The following FOXK1 variants were observed in gnomAD, a reference collection of about 807,000 sequenced individuals.
FOXK1 encodes the protein forkhead box K1, also known as forkhead box protein K1.
Under a neutral mutation model 51.9 loss-of-function variants are expected in FOXK1, and 19 were observed. That is an observed-to-expected ratio of 0.37 (90% confidence interval 0.26 to 0.54). The LOEUF (loss-of-function observed/expected upper bound fraction) is 0.54. FOXK1 is among the 20% of genes least tolerant of loss of function. The pLI, the probability that FOXK1 is intolerant of heterozygous loss-of-function variation, is 0.87. For synonymous variants in FOXK1, 537 were observed against 482.6 expected, an observed-to-expected ratio of 1.11 and a Z score of -1.48; for missense variants, 870 against 1,032.7, an observed-to-expected ratio of 0.84 and a Z score of 2.16.
Position 4,709,928 on chromosome 7 carries a change from G to T in FOXK1, c.560+27060G>T, listed in dbSNP as rs1411149805. On this transcript the variant is annotated intron_variant, in intron 1 of 8. Transcript: ENST00000328914. This position sits in a 1 kb window ranked among gnomAD's most constrained non-coding sequence, Gnocchi z 5.6. ...CGTTTGAACACGGAAGAACACGGAA[G>T]CCTGTGTGTTAGGCGTTAACATTGT... Among the ~76,000 whole-genome samples, 1 of 152,224 alleles carries T rather than the reference G, an allele frequency of 6.6e-6. No homozygotes were observed. Among genetic ancestry groups the T allele is most frequent in the African/African-American group, 2.4e-5 (1 of 41,460 alleles).
chr7:4,692,979 T>C (rs1448575605), intron 1 of FOXK1, among the ~76,000 whole-genome samples: 1 of 151,872 alleles, frequency 6.6e-6, no homozygotes. Flanking sequence ...CCTTAAGTCA[T>C]CCTCTGCTAT....
Position 4,721,366 on chromosome 7 carries a change from G to A in FOXK1, c.561-19472G>A, listed in dbSNP as rs547262297. ...AATGGTGCAACCTTCTGATGACCTT[G>A]GTGAGAAGCGACCATTCCCTGCGAC... On this transcript the variant is annotated intron_variant, in intron 1 of 8. Transcript: ENST00000328914. 1.2e-3 allele frequency among the ~76,000 whole-genome samples: 179 copies of A among 152,232 alleles called. 1 individual carries two copies. Among genetic ancestry groups the A allele is most frequent in the Middle Eastern group, 0.01 (3 of 294 alleles).
intron 1 of FOXK1, among the ~76,000 whole-genome samples, chr7:4,727,167 G>A (rs1223442085): frequency 6.6e-6 from 1 of 151,998 alleles, no homozygotes; most frequent in Non-Finnish European, 1.5e-5. Context: ...GCCCAGGCTG[G>A]TTTTGCACTC....
At chr7:4,760,207 GTTCTT>G (rs1780913404) in intron 7 of FOXK1, among the ~76,000 whole-genome samples, 1 of 152,230 alleles carries the variant, frequency 6.6e-6, no homozygotes, top group Admixed American at 6.5e-5. Flanking sequence ...TGGGAAGACT[GTTCTT>G]TTCGACTCCC....
At chr7:4,726,702 G>A (rs532385559) in intron 1 of FOXK1, among the ~76,000 whole-genome samples, 67 of 151,906 alleles carry the variant, frequency 4.4e-4, no homozygotes, top group African/African-American at 1.5e-3. Context: ...CTGCCATGTC[G>A]CTCTTGTTTC....
Position 4,754,490 on chromosome 7 carries a change from G to A in FOXK1, c.778G>A (p.Gly260Ser), listed in dbSNP as rs750391269. The change falls in exon 3 of 9, where the codon GGT (glycine) becomes AGT (serine). Residue 260 changes from glycine (G) to serine (S), a missense_variant. Gly to Ser is a moderately conservative substitution (Grantham distance 56). This residue lies in a region of FOXK1 where 399 missense variants were observed against 475.6 expected (regional missense o/e 0.84). Transcript: ENST00000328914. Reference sequence around the variant, plus strand: ...CAACTCCTGCCCAGCCAGTCCACGCGGTGCCGGCTCCTCCAGTTACCGCTT... The same window carrying A: ...CAACTCCTGCCCAGCCAGTCCACGCAGTGCCGGCTCCTCCAGTTACCGCTT... ...VPNSCPASPRGAGSSSYRFVQ... is the reference protein window; with the variant it reads ...VPNSCPASPRSAGSSSYRFVQ... 25 of 1,613,098 alleles carry A rather than the reference G, an allele frequency of 1.5e-5. No individual in the cohort carries two copies. Among genetic ancestry groups the A allele is most frequent in the East Asian group, 2.2e-5 (1 of 44,900 alleles).
rs1297792698 is a variant in FOXK1 at position 4,747,711 on chromosome 7, T to A, written c.746+6688T>A. The stretch of plus-strand genomic sequence containing the variant: ...CCACCACACACACCCAGCTCATTTT[T>A]TATTTTCGTTGAGATGGTGTCTTGC... On this transcript the variant is annotated intron_variant, in intron 2 of 8. Coordinates refer to ENST00000328914, the MANE Select transcript of FOXK1 (RefSeq NM_001037165.2). This position sits in a 1 kb window ranked among gnomAD's most constrained non-coding sequence, Gnocchi z 9.2. 6.6e-6 allele frequency among the ~76,000 whole-genome samples: 1 copy of A among 151,820 alleles called. No homozygotes were observed. Among genetic ancestry groups the A allele is most frequent in the East Asian group, 1.9e-4 (1 of 5,172 alleles).
At chr7:4,752,837 G>A (rs2115069589) in intron 2 of FOXK1, among the ~76,000 whole-genome samples, 1 of 152,252 alleles carries the variant, frequency 6.6e-6, no homozygotes, top group East Asian at 1.9e-4. Flanking sequence ...TGCCTCAGCA[G>A]GGAGGTGTTT....
rs966002576 is a variant in FOXK1 at position 4,748,705 on chromosome 7, C to T, written c.747-5754C>T. On this transcript the variant is annotated intron_variant, in intron 2 of 8. Coordinates refer to ENST00000328914, the MANE Select transcript of FOXK1 (RefSeq NM_001037165.2). This position sits in a 1 kb window ranked among gnomAD's most constrained non-coding sequence, Gnocchi z 4.9. Reference sequence around the variant, plus strand: ...GCTTCCTGGGAAAGGGCACAGGAGACAGACTTTTCATTTATTCACTGATTT... The same window carrying T: ...GCTTCCTGGGAAAGGGCACAGGAGATAGACTTTTCATTTATTCACTGATTT... Among the ~76,000 whole-genome samples, 1 of 152,192 alleles carries T rather than the reference C, an allele frequency of 6.6e-6. No individual in the cohort carries two copies. The highest frequency in any genetic ancestry group is 1.5e-5 in the Non-Finnish European group (1 of 68,028).
At chr7:4,691,906 G>A (rs1779897319) in intron 1 of FOXK1, among the ~76,000 whole-genome samples, 1 of 152,128 alleles carries the variant, frequency 6.6e-6, no homozygotes. Context: ...TGGGCAGAAT[G>A]GCTGCTGGAC....
chr7:4,693,466 A>G (rs993236083), intron 1 of FOXK1, among the ~76,000 whole-genome samples: 2 of 152,250 alleles, frequency 1.3e-5, no homozygotes, highest in Non-Finnish European at 2.9e-5. Flanking sequence ...GCATGTTGTG[A>G]TATGACTTGG....
chr7:4,704,834 C>CT (rs775099211), intron 1 of FOXK1, among the ~76,000 whole-genome samples: 1,955 of 131,366 alleles, frequency 0.015, 42 homozygotes, highest in Non-Finnish European at 0.011. Context: ...ATGTTTCATT[C>CT]TTTTTTTTTT....
rs1312119606 is a variant in FOXK1 at position 4,730,435 on chromosome 7, G to A, written c.561-10403G>A. On this transcript the variant is annotated intron_variant, in intron 1 of 8. Transcript: ENST00000328914. This position sits in a 1 kb window ranked among gnomAD's most constrained non-coding sequence, Gnocchi z 4.7. ...GGCATGGACCCAAAAGTGGAGTCAC[G>A]GTTGCAGCTCTGGTTCCTGGAGGAG... Among the ~76,000 whole-genome samples the A allele has an allele frequency of 2.6e-5, 4 of 152,230 alleles. No homozygotes were observed. The East Asian group carries it at 5.8e-4, about 22-fold the overall frequency.
In FOXK1 at chr7:4,723,552, G is replaced by C. The variant is rs568241738; in HGVS notation, c.561-17286G>C. On this transcript the variant is annotated intron_variant, in intron 1 of 8. Transcript: ENST00000328914. This position sits in a 1 kb window ranked among gnomAD's most constrained non-coding sequence, Gnocchi z 4.7. Reference sequence around the variant, plus strand: ...GGGCCTGTCCATCCCGTCAGCCCACGGTGCCTCTACAAACACAGGTCCCTC... The same window carrying C: ...GGGCCTGTCCATCCCGTCAGCCCACCGTGCCTCTACAAACACAGGTCCCTC... Among the ~76,000 whole-genome samples the C allele has an allele frequency of 1.1e-4, 17 of 152,226 alleles. No individual in the cohort carries two copies. Among genetic ancestry groups the C allele is most frequent in the African/African-American group, 4.1e-4 (17 of 41,530 alleles).
rs554394743 is a variant in FOXK1, at chr7:4,693,490, A to G, written c.560+10622A>G. 4.6e-5 allele frequency among the ~76,000 whole-genome samples: 7 copies of G among 152,298 alleles called. No individual in the cohort carries two copies. In the South Asian group the frequency reaches 6.2e-4, roughly 14 times the overall value. ...GATATGACTTGGCTACAGTTAGTATATTTTTTTAAATGTACAGTAATTTTT... is the reference window on the plus strand; with the variant it reads ...GATATGACTTGGCTACAGTTAGTATGTTTTTTTAAATGTACAGTAATTTTT... On this transcript the variant is annotated intron_variant, in intron 1 of 8. Coordinates refer to ENST00000328914, the MANE Select transcript of FOXK1 (RefSeq NM_001037165.2).
In FOXK1 at chr7:4,743,879, CT is replaced by C. The variant is rs34815763; in HGVS notation, c.746+2871del. Among the ~76,000 whole-genome samples, 4,506 of 136,686 alleles carry C rather than the reference CT, an allele frequency of 0.033. 167 individuals are homozygous for C. The highest frequency in any genetic ancestry group is 0.11 in the African/African-American group (4,064 of 38,216). The allele number at this position is 136,686 out of a possible 152,430, so 89.7% of individuals were successfully genotyped here. A position where few individuals can be genotyped will look rare whatever the true frequency, so the allele number is the denominator to read the frequency against. On this transcript the variant is annotated intron_variant, in intron 2 of 8. Transcript: ENST00000328914. The surrounding 1 kb of genome is among the most constrained non-coding windows in gnomAD (Gnocchi z 5.3). ...AGGTTGTAATCCAGCTAAACAGAAG[CT>C]TTTTTTTTTTTTTTGAGACGGAGTC...
chr7:4,719,120 G>GGT (rs1554251083), intron 1 of FOXK1, among the ~76,000 whole-genome samples: 9 of 147,246 alleles, frequency 6.1e-5, no homozygotes, highest in African/African-American at 2.2e-4. Flanking sequence ...TGTTTTTTTT[G>GGT]TTTTTTTTTT....
intron 2 of FOXK1, among the ~76,000 whole-genome samples, chr7:4,744,299 A>C (rs1780673353): frequency 6.6e-6 from 1 of 152,036 alleles, no homozygotes; most frequent in South Asian, 2.1e-4. Context: ...ACACGTGCAT[A>C]TTTGTGACAT....
At chr7:4,725,470 C>G (rs1780368174) in intron 1 of FOXK1, among the ~76,000 whole-genome samples, 1 of 152,218 alleles carries the variant, frequency 6.6e-6, no homozygotes, top group Non-Finnish European at 1.5e-5. Flanking sequence ...GACACGGCCT[C>G]CTGCCCACAG....
Sources: gnomAD v4.1 joint callset for allele counts (sites outside exome capture counted in the v4.1 genomes callset) on GRCh38, gnomAD v4.1.1 for gene constraint, gnomAD v4.1.1 regional missense constraint, Gnocchi (gnomAD v3.1) non-coding constraint, MANE v1.5 for transcripts, NCBI Gene and HGNC (gene_info 2026-07-23, HGNC 2026-07-21) for gene names.